MARCHF3: variants seen among roughly 807,000 people sequenced by gnomAD.
MARCHF3 encodes the protein membrane associated ring-CH-type finger 3, also known as E3 ubiquitin-protein ligase MARCHF3.
Under a neutral mutation model 24.2 loss-of-function variants are expected in MARCHF3, and 13 were observed. The observed-to-expected ratio is 0.54, with a 90% CI of 0.35 to 0.85. The LOEUF is 0.85. Among genes scored for constraint, MARCHF3 ranks in the 40% least tolerant of loss-of-function variants. The probability of loss-of-function intolerance (pLI) is 0.01; values close to 1 mark genes in which losing one functional copy is unlikely to be tolerated. For missense variants in MARCHF3, 276 were observed against 325.0 expected, an observed-to-expected ratio of 0.85 and a Z score of 1.16; for synonymous variants, 144 against 137.3, an observed-to-expected ratio of 1.05 and a Z score of -0.34.
In MARCHF3 at chr5:126,901,801, T is replaced by A. The variant is rs980313204; in HGVS notation, c.393+13129A>T. ...TGCCTTGTACCCAACACAGGGCAAT[T>A]CCTGAGAGTTAATTGTGCCTTGTTA... On this transcript the variant is annotated intron_variant, in intron 3 of 4. Coordinates refer to ENST00000308660, the MANE Select transcript of MARCHF3 (RefSeq NM_178450.5). Among the ~76,000 whole-genome samples, 3 of 152,072 alleles carry A rather than the reference T, an allele frequency of 2.0e-5. No homozygotes were observed. The South Asian group carries it at 6.2e-4, about 31-fold the overall frequency.
At chr5:127,023,133 C>T (rs1752866179) in intron 1 of MARCHF3, among the ~76,000 whole-genome samples, 1 of 152,116 alleles carries the variant, frequency 6.6e-6, no homozygotes, top group South Asian at 2.1e-4. Context: ...GCTTTCTAAA[C>T]AAAAGGAGAT....
At chr5:126,967,673 ACAAGAGCAAGACT>A (rs949780852) in intron 1 of MARCHF3, among the ~76,000 whole-genome samples, 5 of 152,182 alleles carry the variant, frequency 3.3e-5, no homozygotes. Context: ...AGCCTGGGTG[ACAAGAGCAAGACT>A]CTGTCTCAAA....
intron 1 of MARCHF3, among the ~76,000 whole-genome samples, chr5:126,969,562 C>G (rs1420956817): frequency 6.6e-6 from 1 of 152,188 alleles, no homozygotes; most frequent in Non-Finnish European, 1.5e-5. Flanking sequence ...GAAAAGGAAG[C>G]AAAAATCAGC....
chr5:126,899,737 AGGGT>A (rs1193618114), intron 3 of MARCHF3, among the ~76,000 whole-genome samples: 11 of 152,134 alleles, frequency 7.2e-5, no homozygotes, highest in Non-Finnish European at 1.2e-4. Flanking sequence ...GGCACAGCTC[AGGGT>A]GTTTTTTAAA....
intron 3 of MARCHF3, among the ~76,000 whole-genome samples, chr5:126,913,197 C>T (rs1754600504): frequency 6.6e-6 from 1 of 152,204 alleles, no homozygotes; most frequent in South Asian, 2.1e-4. Context: ...CAGATGCACA[C>T]ACACCCTCCT....
intron 1 of MARCHF3, among the ~76,000 whole-genome samples, chr5:126,952,648 T>G (rs1419019488): frequency 6.6e-6 from 1 of 152,192 alleles, no homozygotes. Context: ...TTTTAAGGCC[T>G]TTGCTATCTT....
intron 1 of MARCHF3, among the ~76,000 whole-genome samples, chr5:126,943,583 C>CA (rs563692073): frequency 0.02 from 2,548 of 124,640 alleles, 54 homozygotes; most frequent in African/African-American, 0.061. Context: ...ATCTCATCTC[C>CA]AAAAAAAAAA....
chr5:126,935,878 T>G (rs923119623), intron 1 of MARCHF3, among the ~76,000 whole-genome samples: 1 of 152,138 alleles, frequency 6.6e-6, no homozygotes, highest in Admixed American at 6.6e-5. Flanking sequence ...CCCAAAGTGC[T>G]GGGATTACAG....
intron 1 of MARCHF3, among the ~76,000 whole-genome samples, chr5:126,921,140 C>T (rs533081387): frequency 3.7e-4 from 57 of 152,058 alleles, no homozygotes; most frequent in East Asian, 1.2e-3. Flanking sequence ...GCATGTCTTA[C>T]GTATACCACA....
intron 1 of MARCHF3, among the ~76,000 whole-genome samples, chr5:126,973,797 T>C (rs987445558): frequency 1.3e-5 from 2 of 152,130 alleles, no homozygotes; most frequent in Admixed American, 1.3e-4. Context: ...ATAAAGAACA[T>C]TATTTTCAGG....
At chr5:126,943,700 A>G (rs142235342) in intron 1 of MARCHF3, among the ~76,000 whole-genome samples, 33 of 152,300 alleles carry the variant, frequency 2.2e-4, no homozygotes, top group African/African-American at 7.9e-4. Context: ...AGTAAGGACT[A>G]TTTTTAAAAA....
intron 3 of MARCHF3, among the ~76,000 whole-genome samples, chr5:126,890,534 A>G (rs960477569): frequency 6.7e-5 from 10 of 149,264 alleles, no homozygotes; most frequent in Non-Finnish European, 1.2e-4. Flanking sequence ...GAGAATATGC[A>G]GTGTTTGGTT....
intron 1 of MARCHF3, among the ~76,000 whole-genome samples, chr5:126,953,272 C>T (rs184633818): frequency 2.4e-4 from 37 of 152,244 alleles, no homozygotes; most frequent in Non-Finnish European, 2.9e-5. Context: ...TTCTTGAAGA[C>T]ATGCTTCCTA....
chr5:126,978,052 C>T (rs1187992285), intron 1 of MARCHF3, among the ~76,000 whole-genome samples: 4 of 152,228 alleles, frequency 2.6e-5, no homozygotes, highest in East Asian at 1.9e-4. Flanking sequence ...CAGGTAGAGC[C>T]GAGGAAAGAT....
chr5:126,998,507 T>G (rs778435095), intron 1 of MARCHF3, among the ~76,000 whole-genome samples: 2 of 152,176 alleles, frequency 1.3e-5, no homozygotes, highest in Non-Finnish European at 2.9e-5. Flanking sequence ...GCAAACCCCA[T>G]GCAAACATTC....
rs1243454710 is a variant in MARCHF3, at chr5:127,030,554, CGAGT to C, written c.-265_-262del. ...GCTGACAATTCACGGACCTGCTCAA[CGAGT>C]GAGGCGGAAAGCAGGGCTAAGCCGA... On this transcript the variant is annotated 5_prime_UTR_variant, in exon 1 of 5. Transcript: ENST00000308660. The C allele has an allele frequency of 6.6e-6, 1 of 152,328 alleles. No homozygotes were observed. Among genetic ancestry groups the C allele is most frequent in the East Asian group, 1.9e-4 (1 of 5,184 alleles). The allele number at this position is 152,328 out of a possible 1,614,324, so 9.4% of individuals were successfully genotyped here.
At chr5:126,914,529 G>A in intron 3 of MARCHF3, 1 of 267,016 alleles carries the variant, frequency 3.7e-6, no homozygotes, top group Admixed American at 4.6e-5. Context: ...GACTTCTCAG[G>A]ATATGCAACC....
intron 1 of MARCHF3, among the ~76,000 whole-genome samples, chr5:126,942,897 C>A (rs1291826287): frequency 6.6e-6 from 1 of 152,098 alleles, no homozygotes; most frequent in African/African-American, 2.4e-5. Context: ...ACACTGTTGG[C>A]AAGGTTTTCT....
At chr5:126,971,274 C>A (rs1246189726) in intron 1 of MARCHF3, among the ~76,000 whole-genome samples, 1 of 151,544 alleles carries the variant, frequency 6.6e-6, no homozygotes, top group Non-Finnish European at 1.5e-5. Context: ...ATGGTGAAAC[C>A]CTGTCTCTAC....
Sources: allele counts gnomAD v4.1 joint callset (sites outside exome capture counted in the v4.1 genomes callset), GRCh38; gene constraint gnomAD v4.1.1; transcripts MANE v1.5; gene names NCBI Gene and HGNC (gene_info 2026-07-23, HGNC 2026-07-21).